ZFHX3: variants seen among roughly 807,000 people sequenced by gnomAD.
ZFHX3 encodes zinc finger homeobox protein 3.
Under a neutral mutation model 279.1 loss-of-function variants are expected in ZFHX3, and 42 were observed. The observed-to-expected ratio is 0.15, with a 90% CI of 0.12 to 0.19. ZFHX3 has a LOEUF of 0.19. ZFHX3 is among the 10% of genes least tolerant of loss of function. The pLI is 1.00. For synonymous variants in ZFHX3, 2,293 were observed against 1,957.8 expected, an observed-to-expected ratio of 1.17 and a Z score of -4.52; for missense variants, 4,981 against 4,754.0, an observed-to-expected ratio of 1.05 and a Z score of -1.40.
chr16:73,819,541 G>A (rs1007825809), intron 1 of ZFHX3, among the ~76,000 whole-genome samples: 1 of 151,994 alleles, frequency 6.6e-6, no homozygotes, highest in African/African-American at 2.4e-5. Context: ...GTACAACTTT[G>A]GGCCACTTTG....
intron 6 of ZFHX3, among the ~76,000 whole-genome samples, chr16:73,140,031 G>T (rs1722418569): frequency 6.6e-6 from 1 of 152,314 alleles, no homozygotes; most frequent in South Asian, 2.1e-4. Flanking sequence ...GCCTTGGGAG[G>T]CCACGGTGGG....
intron 2 of ZFHX3, among the ~76,000 whole-genome samples, chr16:73,559,621 G>A (rs1390238506): frequency 6.6e-6 from 1 of 152,126 alleles, no homozygotes; most frequent in African/African-American, 2.4e-5. Context: ...GTCTCTGATG[G>A]GTATCTGCCC....
chr16:72,882,975 G>GGGGGGT (rs2038521120), intron 4 of ZFHX3, among the ~76,000 whole-genome samples: 1 of 113,386 alleles, frequency 8.8e-6, no homozygotes, highest in African/African-American at 3.7e-5. Context: ...ACACCACTCT[G>GGGGGGT]GGGTGTGTGT....
At chr16:72,985,760 T>G (rs1962814568) in intron 1 of ZFHX3, among the ~76,000 whole-genome samples, 1 of 152,124 alleles carries the variant, frequency 6.6e-6, no homozygotes, top group African/African-American at 2.4e-5. Context: ...ATTCTGGCAC[T>G]TGCTTGGGCT....
At chr16:73,812,821 G>T (rs1960460897) in intron 1 of ZFHX3, among the ~76,000 whole-genome samples, 1 of 152,208 alleles carries the variant, frequency 6.6e-6, no homozygotes, top group African/African-American at 2.4e-5. Flanking sequence ...GGGCACAAAG[G>T]TGACAGATAA....
At chr16:73,727,655 C>A (rs2053531157) in intron 1 of ZFHX3, among the ~76,000 whole-genome samples, 1 of 152,330 alleles carries the variant, frequency 6.6e-6, no homozygotes, top group African/African-American at 2.4e-5. Flanking sequence ...CATCCCATTT[C>A]TAGGTATCTG....
intron 3 of ZFHX3, among the ~76,000 whole-genome samples, chr16:73,339,970 TGA>T (rs746971643): frequency 1.3e-5 from 2 of 152,114 alleles, no homozygotes; most frequent in Non-Finnish European, 2.9e-5. Flanking sequence ...GGGCTGTCAA[TGA>T]GAGAGTCACC....
intron 1 of ZFHX3, among the ~76,000 whole-genome samples, chr16:73,030,396 G>A (rs138735779): frequency 6.6e-6 from 1 of 152,236 alleles, no homozygotes; most frequent in East Asian, 1.9e-4. Flanking sequence ...CATGGAAGGA[G>A]AGCAGACCAC....
At chr16:73,458,272 T>TTCTTTCTC (rs961250370) in intron 2 of ZFHX3, among the ~76,000 whole-genome samples, 2 of 151,834 alleles carry the variant, frequency 1.3e-5, no homozygotes, top group African/African-American at 2.4e-5. Flanking sequence ...TCTCCTTTCT[T>TTCTTTCTC]TCTTTCTCTC....
In ZFHX3 at chr16:73,308,078, TAG is replaced by T. The variant is rs1300630866; in HGVS notation, c.-1194+10160_-1194+10161del. Among the ~76,000 whole-genome samples the T allele has an allele frequency of 2.6e-5, 4 of 151,718 alleles. No individual in the cohort carries two copies. In the East Asian group the frequency reaches 7.8e-4, roughly 30 times the overall value. On this transcript the variant is annotated intron_variant, in intron 4 of 17. Coordinates refer to the ZFHX3 transcript ENST00000641206. ...AAGAGGGGGAAAAGGCACTTAGAACTAGAGAGAGTTACCGATCATTTGATTTC... is the reference window on the plus strand; with the variant it reads ...AAGAGGGGGAAAAGGCACTTAGAACTAGAGAGTTACCGATCATTTGATTTC...
chr16:73,614,871 C>G (rs2052283932), intron 2 of ZFHX3, among the ~76,000 whole-genome samples: 1 of 152,094 alleles, frequency 6.6e-6, no homozygotes, highest in Admixed American at 6.5e-5. Context: ...ATGATCCTCC[C>G]TCCTCAGCCT....
At chr16:73,543,854 C>A (rs1283489246) in intron 2 of ZFHX3, 2 of 126,722 alleles carry the variant, frequency 1.6e-5, no homozygotes, top group Admixed American at 8.0e-5. Flanking sequence ...GGAGGGAGGA[C>A]AGAGAGAGAG....
At chr16:73,541,801 T>C (rs1009833038) in intron 2 of ZFHX3, among the ~76,000 whole-genome samples, 3 of 136,344 alleles carry the variant, frequency 2.2e-5, no homozygotes, top group African/African-American at 8.7e-5. Flanking sequence ...TTTTTTTTTT[T>C]TTTTTTTTTT....
At chr16:72,889,690 C>A in intron 4 of ZFHX3, 41 bp downstream of exon 4, 2 of 1,593,108 alleles carry the variant, frequency 1.3e-6, no homozygotes, top group Non-Finnish European at 1.7e-6. Flanking sequence ...GGTGAACACC[C>A]AGGCCCAACC....
chr16:72,874,191 T>A (rs1176164373), intron 4 of ZFHX3, among the ~76,000 whole-genome samples: 2 of 127,402 alleles, frequency 1.6e-5, no homozygotes, highest in African/African-American at 5.9e-5. Flanking sequence ...AGATGGAGGA[T>A]TTTTTGATTT....
intron 4 of ZFHX3, among the ~76,000 whole-genome samples, chr16:73,280,907 C>T (rs1398555564): frequency 6.6e-6 from 1 of 151,644 alleles, no homozygotes; most frequent in African/African-American, 2.4e-5. Flanking sequence ...ATCTTTTGAA[C>T]CTGGGAGGTA....
intron 2 of ZFHX3, among the ~76,000 whole-genome samples, chr16:73,636,014 G>GA (rs2052524293): frequency 6.6e-6 from 1 of 152,178 alleles, no homozygotes; most frequent in Admixed American, 6.5e-5. Flanking sequence ...TCAGACTATT[G>GA]AAACAGGGCA....
At chr16:73,585,271 C>T (rs1448958196) in intron 2 of ZFHX3, among the ~76,000 whole-genome samples, 2 of 152,160 alleles carry the variant, frequency 1.3e-5, no homozygotes, top group African/African-American at 4.8e-5. Context: ...CAAAAATTAT[C>T]TGGGTGTGGT....
Position 72,797,348 on chromosome 16 carries a change from A to G in ZFHX3, c.5334T>C (p.Pro1778=). Residue 1778 remains proline (P), a synonymous_variant, in exon 9 of 10, where the codon CCT becomes CCC. Transcript: ENST00000268489. ...QSQLFNPTLL[P]HFPMTTETLL... is the part of the protein sequence containing the mutation. ...GGGTCTCAGTTGTCATGGGGAAGTG[A>G]GGAAGGAGGGTGGGGTTAAACAGCT... The G allele has an allele frequency of 6.2e-7, 1 of 1,600,244 alleles. No individual in the cohort carries two copies. The highest frequency in any genetic ancestry group is 1.3e-5 in the African/African-American group (1 of 74,726).
Sources: gnomAD v4.1 joint callset for allele counts (sites outside exome capture counted in the v4.1 genomes callset) on GRCh38, gnomAD v4.1.1 for gene constraint, MANE v1.5 for transcripts, NCBI Gene and HGNC (gene_info 2026-07-23, HGNC 2026-07-21) for gene names.